Variants in SRGAP3 observed in about 807,000 individuals in gnomAD.
SRGAP3 encodes SLIT-ROBO Rho GTPase-activating protein 3.
In SRGAP3, 39 loss-of-function variants were observed where a neutral mutation model predicts 121.1. That is an observed-to-expected ratio of 0.32 (90% CI 0.25 to 0.42). The LOEUF (loss-of-function observed/expected upper bound fraction) is 0.42. SRGAP3 is among the 10% of genes least tolerant of loss of function. The pLI is 1.00. For synonymous variants in SRGAP3, 601 were observed against 570.0 expected (o/e 1.05, Z -0.77); for missense variants, 1,213 against 1,470.6 (o/e 0.82, Z 2.86).
intron 3 of SRGAP3, among the ~76,000 whole-genome samples, chr3:9,320,853 AT>A (rs1955427459): frequency 6.6e-6 from 1 of 151,820 alleles, no homozygotes; most frequent in African/African-American, 2.4e-5. Context: ...GACCTTGCTA[AT>A]GCACTATACA....
rs542767516 is a variant in SRGAP3, at chr3:9,359,305, C to A, written n.214+3535G>T. ...GTTCTCCTTGGAGGGTCCATACTAT[C>A]TTTATGTAGATAGGGAAAAAGTCTC... is the stretch of plus-strand genomic sequence containing the variant. On this transcript the variant is annotated intron_variant and non_coding_transcript_variant, in intron 1 of 3. Transcript: ENST00000490889. Among the ~76,000 whole-genome samples the A allele has an allele frequency of 4.1e-4, 63 of 152,248 alleles. 1 individual carries two copies. Among genetic ancestry groups the A allele is most frequent in the Non-Finnish European group, 1.0e-4 (7 of 68,020 alleles).
chr3:9,060,047 C>A, intron 6 of SRGAP3, 184 bp downstream of exon 6: 2 of 936,422 alleles, frequency 2.1e-6, no homozygotes, highest in South Asian at 1.4e-5. Flanking sequence ...AAAATAGACA[C>A]CACGAGGTAA....
chr3:9,132,204 A>C (rs1949481652), intron 1 of SRGAP3, among the ~76,000 whole-genome samples: 1 of 152,152 alleles, frequency 6.6e-6, no homozygotes, highest in African/African-American at 2.4e-5. Context: ...CCGATTATTA[A>C]CATCTTGCAT....
At chr3:9,116,373 C>G (rs1371607142) in intron 2 of SRGAP3, among the ~76,000 whole-genome samples, 1 of 152,206 alleles carries the variant, frequency 6.6e-6, no homozygotes, top group Non-Finnish European at 1.5e-5. Flanking sequence ...ACTGAAAAAA[C>G]TTTGATAAAG....
chr3:9,303,081 AT>A (rs1955094804), intron 3 of SRGAP3, among the ~76,000 whole-genome samples: 1 of 148,974 alleles, frequency 6.7e-6, no homozygotes, highest in Admixed American at 6.7e-5. Context: ...TCTTACTTAT[AT>A]TTTTTCCTTT....
chr3:9,299,996 T>G (rs1559266250), intron 3 of SRGAP3, among the ~76,000 whole-genome samples: 1 of 151,682 alleles, frequency 6.6e-6, no homozygotes, highest in East Asian at 2.0e-4. Context: ...GCATGTTACT[T>G]CATCTCTCTG....
intron 1 of SRGAP3, among the ~76,000 whole-genome samples, chr3:9,195,939 G>A (rs1034740648): frequency 1.6e-4 from 24 of 152,116 alleles, no homozygotes; most frequent in Admixed American, 1.6e-3. Flanking sequence ...CTGGGTGATA[G>A]AGCAAGACCC....
intron 3 of SRGAP3, among the ~76,000 whole-genome samples, chr3:9,091,359 A>T (rs1014867297): frequency 6.6e-6 from 1 of 152,188 alleles, no homozygotes; most frequent in East Asian, 1.9e-4. Context: ...AAAAACAACA[A>T]CAGGAAACAA....
intron 8 of SRGAP3, among the ~76,000 whole-genome samples, chr3:9,053,537 T>C (rs1945682297): frequency 6.6e-6 from 1 of 152,204 alleles, no homozygotes; most frequent in African/African-American, 2.4e-5. Flanking sequence ...TTGTTTCTCT[T>C]AGCCTAATTA....
At chr3:9,154,565 G>T (rs1695377177) in intron 1 of SRGAP3, among the ~76,000 whole-genome samples, 1 of 151,996 alleles carries the variant, frequency 6.6e-6, no homozygotes, top group South Asian at 2.1e-4. Context: ...TCAATTCCCA[G>T]TATAAGCACC....
chr3:9,319,994 A>G (rs578120849), intron 3 of SRGAP3, among the ~76,000 whole-genome samples: 1 of 152,064 alleles, frequency 6.6e-6, no homozygotes, highest in Non-Finnish European at 1.5e-5. Context: ...CATCCTTTTG[A>G]GGAACAAATT....
intron 3 of SRGAP3, among the ~76,000 whole-genome samples, chr3:9,314,027 T>G (rs1291682367): frequency 1.3e-5 from 2 of 152,230 alleles, no homozygotes; most frequent in African/African-American, 4.8e-5. Context: ...ATTTATTTTG[T>G]TTTTTGTATA....
rs71049768 is a variant in SRGAP3 at position 9,058,714 on chromosome 3, C to CTT, written c.802-244_802-243dup. 1,732 of 212,520 alleles carry CTT rather than the reference C, an allele frequency of 8.1e-3. 1 individual carries two copies. The highest frequency in any genetic ancestry group is 0.013 in the East Asian group (108 of 8,594). The allele number at this position is 212,520 out of a possible 1,614,324, so 13.2% of individuals were successfully genotyped here. A position where few individuals can be genotyped will look rare whatever the true frequency, so the allele number is the denominator to read the frequency against. ...CTATATTCACCATCTTTCTCTCTCT[C>CTT]TTTTTTTTTTTTTTTTTTTTTTTGA... is the stretch of plus-strand genomic sequence containing the variant. On this transcript the variant is annotated intron_variant, in intron 6 of 21. Coordinates refer to ENST00000383836, the MANE Select transcript of SRGAP3 (RefSeq NM_014850.4).
intron 3 of SRGAP3, among the ~76,000 whole-genome samples, chr3:9,272,806 ATT>A (rs34322946): frequency 6.6e-6 from 1 of 150,894 alleles, no homozygotes; most frequent in Non-Finnish European, 1.5e-5. Flanking sequence ...AATTCTGTTT[ATT>A]TTTTTTTTAG....
chr3:9,338,966 T>C lies in SRGAP3; in HGVS notation n.215-8370A>G, dbSNP rs1955735876. ...ATAAGCTAAAAAACGTGCATTCTTCTGGAAGCTAGTACTTACGAAAATATG... is the reference window on the plus strand; with the variant it reads ...ATAAGCTAAAAAACGTGCATTCTTCCGGAAGCTAGTACTTACGAAAATATG... On this transcript the variant is annotated intron_variant and non_coding_transcript_variant, in intron 1 of 3. Transcript: ENST00000490889. Among the ~76,000 whole-genome samples, 2 of 152,250 alleles carry C rather than the reference T, an allele frequency of 1.3e-5. 1 individual carries two copies. The highest frequency in any genetic ancestry group is 4.1e-4 in the South Asian group (2 of 4,838).
chr3:9,285,350 G>A (rs1002283553), intron 3 of SRGAP3, among the ~76,000 whole-genome samples: 3 of 152,060 alleles, frequency 2.0e-5, no homozygotes, highest in Non-Finnish European at 4.4e-5. Flanking sequence ...TGACACCTTG[G>A]CATTTGAGAA....
intron 14 of SRGAP3, among the ~76,000 whole-genome samples, chr3:9,024,153 T>C (rs147245101): frequency 1.4e-3 from 208 of 152,212 alleles, no homozygotes; most frequent in African/African-American, 4.7e-3. Context: ...TTTGGGATGT[T>C]ATGTACTGCA....
At chr3:9,190,236 G>T (rs764791519) in intron 1 of SRGAP3, among the ~76,000 whole-genome samples, 10 of 152,226 alleles carry the variant, frequency 6.6e-5, no homozygotes, top group Middle Eastern at 3.4e-3. Flanking sequence ...CCCCATGAAG[G>T]CCCAGTGATC....
intron 3 of SRGAP3, among the ~76,000 whole-genome samples, chr3:9,084,040 G>A (rs946087165): frequency 7.9e-5 from 12 of 152,152 alleles, no homozygotes; most frequent in Admixed American, 4.6e-4. Context: ...TGGTCAATGC[G>A]ATAGTATCTT....
Sources: allele counts gnomAD v4.1 joint callset (sites outside exome capture counted in the v4.1 genomes callset), GRCh38; gene constraint gnomAD v4.1.1; transcripts MANE v1.5; gene names NCBI Gene and HGNC (gene_info 2026-07-23, HGNC 2026-07-21).